RGL1: variants seen among roughly 807,000 people sequenced by gnomAD.
The protein encoded by RGL1 is ral guanine nucleotide dissociation stimulator-like 1.
Under a neutral mutation model 95.2 loss-of-function variants are expected in RGL1, and 24 were observed. The ratio of observed to expected loss-of-function variants is 0.25; its 90% CI spans 0.18 to 0.35. The LOEUF (loss-of-function observed/expected upper bound fraction) is 0.35. RGL1 is among the 10% of genes least tolerant of loss of function. The pLI is 1.00. For missense variants in RGL1, 715 were observed against 936.3 expected, an observed-to-expected ratio of 0.76 and a Z score of 3.08; for synonymous variants, 329 against 344.9, an observed-to-expected ratio of 0.95 and a Z score of 0.51.
At chr1:183,869,267 C>CGA (rs1457771743) in intron 4 of RGL1, among the ~76,000 whole-genome samples, 1 of 152,158 alleles carries the variant, frequency 6.6e-6, no homozygotes, top group Non-Finnish European at 1.5e-5. Flanking sequence ...AAGTCTCATT[C>CGA]GAATTCGTTG....
At chr1:183,658,277 A>G (rs1260811784) in intron 1 of RGL1, among the ~76,000 whole-genome samples, 2 of 152,258 alleles carry the variant, frequency 1.3e-5, no homozygotes, top group Non-Finnish European at 2.9e-5. Context: ...CGGGAAGCGC[A>G]AGGGGTCAGG....
At chr1:183,910,087 T>C (rs1668557296) in intron 14 of RGL1, among the ~76,000 whole-genome samples, 1 of 152,056 alleles carries the variant, frequency 6.6e-6, no homozygotes, top group South Asian at 2.1e-4. Flanking sequence ...TCTTTCTTCT[T>C]TCCTTCCTTC....
At chr1:183,741,566 C>T (rs1038385197) in intron 1 of RGL1, among the ~76,000 whole-genome samples, 1 of 152,200 alleles carries the variant, frequency 6.6e-6, no homozygotes, top group Non-Finnish European at 1.5e-5. Flanking sequence ...TCAGACACTA[C>T]GTTGTAATAC....
intron 2 of RGL1, among the ~76,000 whole-genome samples, chr1:183,832,717 G>C (rs546875495): frequency 6.6e-6 from 1 of 152,284 alleles, no homozygotes; most frequent in Non-Finnish European, 1.5e-5. Context: ...CCTGGAATGA[G>C]TCACTTAGCC....
At chr1:183,791,107 AT>A (rs1381351449) in intron 2 of RGL1, among the ~76,000 whole-genome samples, 2 of 152,094 alleles carry the variant, frequency 1.3e-5, no homozygotes, top group Non-Finnish European at 2.9e-5. Context: ...CAAACTAAAC[AT>A]TTTCATTCTG....
intron 1 of RGL1, among the ~76,000 whole-genome samples, chr1:183,650,047 A>G (rs1650605185): frequency 6.6e-6 from 1 of 152,122 alleles, no homozygotes; most frequent in Admixed American, 6.5e-5. Flanking sequence ...TCCTGGGCTC[A>G]AGTGATCCTC....
At chr1:183,687,631 T>A (rs187836115) in intron 1 of RGL1, among the ~76,000 whole-genome samples, 12 of 152,234 alleles carry the variant, frequency 7.9e-5, no homozygotes, top group African/African-American at 2.2e-4. Flanking sequence ...GCTCAACAAA[T>A]GACTGGGAAG....
chr1:183,913,000 G>T (rs1333399424), intron 15 of RGL1, among the ~76,000 whole-genome samples: 1 of 152,104 alleles, frequency 6.6e-6, no homozygotes, highest in Non-Finnish European at 1.5e-5. Context: ...AGTGCAAAGG[G>T]CACAGCTGCA....
chr1:183,660,657 A>G (rs1446212674), intron 1 of RGL1, among the ~76,000 whole-genome samples: 2 of 151,668 alleles, frequency 1.3e-5, no homozygotes, highest in East Asian at 3.9e-4. Flanking sequence ...AACGAGACAG[A>G]AAGTTAACAA....
At chr1:183,806,613 A>G (rs925687870) in intron 2 of RGL1, 128 bp downstream of exon 2, 3 of 645,402 alleles carry the variant, frequency 4.6e-6, no homozygotes, top group African/African-American at 3.7e-5. Flanking sequence ...GAAAATGCTA[A>G]TGACCAAGTG....
chr1:183,830,539 T>C (rs1021031342), intron 2 of RGL1, among the ~76,000 whole-genome samples: 7 of 152,096 alleles, frequency 4.6e-5, no homozygotes, highest in Non-Finnish European at 8.8e-5. Flanking sequence ...ATATTCCCAC[T>C]CTCTGTTTTC....
intron 3 of RGL1, among the ~76,000 whole-genome samples, chr1:183,865,171 C>T (rs1236642425): frequency 6.6e-6 from 1 of 152,166 alleles, no homozygotes; most frequent in African/African-American, 2.4e-5. Context: ...CCAAACCAAA[C>T]AAAATATGAT....
Position 183,747,220 on chromosome 1 carries a change from G to A in RGL1, c.132+4931G>A, listed in dbSNP as rs12064865. On this transcript the variant is annotated intron_variant, in intron 2 of 18. Transcript: ENST00000304685. ...GGTATTTCTGGTTCTAGATCCTTGA[G>A]GAATCACCACGCTGTCTTCCACAAT... is the stretch of plus-strand genomic sequence containing the variant. Among the ~76,000 whole-genome samples the A allele has an allele frequency of 1.8e-3, 275 of 152,254 alleles. 6 individuals carry two copies. In the East Asian group the frequency reaches 0.042, roughly 23 times the overall value.
chr1:183,672,921 A>G (rs1174963533), intron 1 of RGL1, among the ~76,000 whole-genome samples: 1 of 152,154 alleles, frequency 6.6e-6, no homozygotes, highest in Non-Finnish European at 1.5e-5. Flanking sequence ...ATTCTGGGGT[A>G]CGTATGCAGG....
chr1:183,877,544 T>G (rs1172948114), intron 4 of RGL1, among the ~76,000 whole-genome samples: 1 of 152,230 alleles, frequency 6.6e-6, no homozygotes, highest in African/African-American at 2.4e-5. Flanking sequence ...AAAGCTTCCC[T>G]GCCTGGTGTG....
At chr1:183,902,637 G>A (rs1264119155) in intron 12 of RGL1, 37 bp downstream of exon 12, 18 of 1,588,676 alleles carry the variant, frequency 1.1e-5, no homozygotes, top group Non-Finnish European at 1.5e-5. Context: ...CTTTGTCTGA[G>A]CATGAAAAAA....
intron 1 of RGL1, among the ~76,000 whole-genome samples, chr1:183,689,768 G>A (rs1653831129): frequency 6.6e-6 from 1 of 152,182 alleles, no homozygotes; most frequent in South Asian, 2.1e-4. Flanking sequence ...GGGCAAGTAG[G>A]GGTGGTGGGA....
At chr1:183,663,857 T>TATATAAA (rs1651837310) in intron 1 of RGL1, among the ~76,000 whole-genome samples, 1 of 151,046 alleles carries the variant, frequency 6.6e-6, no homozygotes, top group Non-Finnish European at 1.5e-5. Flanking sequence ...ATGTGGCACA[T>TATATAAA]ATACACCATG....
At chr1:183,824,250 A>G (rs986409092) in intron 2 of RGL1, among the ~76,000 whole-genome samples, 7 of 152,140 alleles carry the variant, frequency 4.6e-5, no homozygotes, top group African/African-American at 1.7e-4. Context: ...TACACCCTTT[A>G]GACACCACTG....
Sources: gnomAD v4.1 joint callset for allele counts (sites outside exome capture counted in the v4.1 genomes callset) on GRCh38, gnomAD v4.1.1 for gene constraint, MANE v1.5 for transcripts, NCBI Gene and HGNC (gene_info 2026-07-23, HGNC 2026-07-21) for gene names.